Variants in TRARG1 observed in about 807,000 individuals in gnomAD.
The protein encoded by TRARG1 is trafficking regulator of GLUT4 1.
In TRARG1, 16 loss-of-function variants were observed where a neutral mutation model predicts 13.3. The observed-to-expected ratio is 1.20, with a 90% CI of 0.81 to 1.83. The LOEUF is 1.83. Among genes scored for constraint, TRARG1 ranks in the 40% most tolerant of loss-of-function variants. TRARG1 has a pLI of 0.00. For synonymous variants in TRARG1, 113 were observed against 106.2 expected (o/e 1.06, Z -0.39); for missense variants, 250 against 237.4 (o/e 1.05, Z -0.35).
At chr17:1,296,573 A>G (rs113848129) in intron 2 of TRARG1, among the ~76,000 whole-genome samples, 3 of 144,116 alleles carry the variant, frequency 2.1e-5, no homozygotes, top group Non-Finnish European at 3.0e-5. Flanking sequence ...CTGCAGTGGC[A>G]TGATCTCAGC....
chr17:1,282,182 G>A (rs36130772), intron 1 of TRARG1, among the ~76,000 whole-genome samples: 17,358 of 124,614 alleles, frequency 0.14, 2,071 homozygotes, highest in East Asian at 0.32. Context: ...ATACACGTGC[G>A]TATATGTACG....
At chr17:1,296,865 G>A (rs535889852) in intron 2 of TRARG1, among the ~76,000 whole-genome samples, 17 of 151,874 alleles carry the variant, frequency 1.1e-4, no homozygotes, top group Admixed American at 3.9e-4. Flanking sequence ...GGCTGGTCTC[G>A]AACTCCCGAC....
At chr17:1,297,851 C>T (rs879415753) in intron 2 of TRARG1, among the ~76,000 whole-genome samples, 1 of 152,078 alleles carries the variant, frequency 6.6e-6, no homozygotes, top group African/African-American at 2.4e-5. Flanking sequence ...GTGATCTGCC[C>T]GCCTCTGCCT....
chr17:1,282,850 T>C (rs9903565), intron 1 of TRARG1, among the ~76,000 whole-genome samples: 116,870 of 151,626 alleles, frequency 0.77, 45,527 homozygotes, highest in East Asian at 0.88. Flanking sequence ...CCACCATGCC[T>C]GGCTAATTTT....
chr17:1,282,602 C>T (rs1286560002), intron 1 of TRARG1, among the ~76,000 whole-genome samples: 2 of 151,934 alleles, frequency 1.3e-5, no homozygotes, highest in Non-Finnish European at 2.9e-5. Flanking sequence ...AACTCCCGAC[C>T]TCGTGATCCA....
At chr17:1,294,949 G>T (rs1249901946) in intron 1 of TRARG1, among the ~76,000 whole-genome samples, 1 of 152,194 alleles carries the variant, frequency 6.6e-6, no homozygotes, top group Non-Finnish European at 1.5e-5. Context: ...CTCTCCAAGT[G>T]CTGGGATTAC....
In TRARG1 at chr17:1,296,089, A is replaced by G. The variant is rs73285384; in HGVS notation, c.520+466A>G. 6.1e-3 allele frequency among the ~76,000 whole-genome samples: 929 copies of G among 152,378 alleles called. 12 individuals carry two copies. Among genetic ancestry groups the G allele is most frequent in the African/African-American group, 0.022 (897 of 41,596 alleles). ...AGTCAGCCGGGGAACCCCAGAAGCA[A>G]GCAGTGCATATGGTAGAATTCAAAA... On this transcript the variant is annotated intron_variant, in intron 2 of 2. Transcript: ENST00000333813.
In TRARG1 at chr17:1,300,387, C is replaced by T. The variant is rs4790289; in HGVS notation, c.*2123C>T. The stretch of plus-strand genomic sequence containing the variant: ...CACCCGAAGGGACTCTAGGTGCCCT[C>T]GGAGTGCCACACATGCCCAGACCTT... On this transcript the variant is annotated 3_prime_UTR_variant, in exon 3 of 3. Transcript: ENST00000333813. 0.26 allele frequency: 39,004 copies of T among 151,982 alleles called. 5,701 individuals carry two copies. The highest frequency in any genetic ancestry group is 0.44 in the South Asian group (2,116 of 4,798). 9.4% of individuals were successfully genotyped at this position (151,982 alleles called of 1,614,324 possible). A position where few individuals can be genotyped will look rare whatever the true frequency, so the allele number is the denominator to read the frequency against.
chr17:1,290,554 C>T (rs1405398149), intron 1 of TRARG1, among the ~76,000 whole-genome samples: 1 of 152,104 alleles, frequency 6.6e-6, no homozygotes, highest in Non-Finnish European at 1.5e-5. Flanking sequence ...CCTTGGCCTC[C>T]CAAAGTGCTG....
intron 1 of TRARG1, among the ~76,000 whole-genome samples, chr17:1,291,402 C>G (rs56254826): frequency 1.3e-5 from 2 of 152,326 alleles, no homozygotes; most frequent in Non-Finnish European, 2.9e-5. Flanking sequence ...TGAGCCACCG[C>G]GCCTACCAAT....
chr17:1,284,052 T>C (rs1309104510), intron 1 of TRARG1, among the ~76,000 whole-genome samples: 2 of 151,528 alleles, frequency 1.3e-5, no homozygotes, highest in Admixed American at 6.6e-5. Flanking sequence ...GAGGCGGAGC[T>C]TACAGTGAGC....
chr17:1,294,686 A>G (rs1228102008), intron 1 of TRARG1, among the ~76,000 whole-genome samples: 1 of 115,712 alleles, frequency 8.6e-6, no homozygotes, highest in Non-Finnish European at 1.7e-5. Flanking sequence ...AACTGGTCTC[A>G]AACTCTTTTT....
intron 1 of TRARG1, among the ~76,000 whole-genome samples, chr17:1,280,709 G>A (rs897733868): frequency 6.6e-6 from 1 of 152,200 alleles, no homozygotes; most frequent in Non-Finnish European, 1.5e-5. Flanking sequence ...CAGGCTGGGG[G>A]TCTTGCTGTT....
intron 2 of TRARG1, 70 bp downstream of exon 2, chr17:1,295,693 A>C: frequency 6.7e-7 from 1 of 1,498,124 alleles, no homozygotes; most frequent in Non-Finnish European, 8.9e-7. Flanking sequence ...GGGTGTACCC[A>C]GCCTCAGGGG....
chr17:1,295,464 C>G, intron 1 of TRARG1, 27 bp from the exon 2 acceptor site: 1 of 1,566,104 alleles, frequency 6.4e-7, no homozygotes, highest in Non-Finnish European at 8.7e-7. Context: ...TCCCGGTTCC[C>G]GGGGTCTCTC....
At chr17:1,295,925 A>G (rs1282390536) in intron 2 of TRARG1, among the ~76,000 whole-genome samples, 1 of 152,204 alleles carries the variant, frequency 6.6e-6, no homozygotes, top group Non-Finnish European at 1.5e-5. Context: ...TGGGCCTGGG[A>G]CCAGGGTCGG....
At chr17:1,289,583 C>G (rs1197170385) in intron 1 of TRARG1, among the ~76,000 whole-genome samples, 1 of 151,224 alleles carries the variant, frequency 6.6e-6, no homozygotes, top group East Asian at 2.0e-4. Flanking sequence ...TCTTTCCCAT[C>G]TTGTGCTTCC....
intron 1 of TRARG1, among the ~76,000 whole-genome samples, chr17:1,282,012 G>GTACATATACATATGTACATATA (rs2071977577): frequency 2.7e-5 from 4 of 147,846 alleles, no homozygotes; most frequent in African/African-American, 7.5e-5. Context: ...ATACACATAT[G>GTACATATACATATGTACATATA]TACATATACA....
chr17:1,280,389 G>GT lies in TRARG1; in HGVS notation c.387+2dup. 1 of 1,589,652 alleles carries GT rather than the reference G, an allele frequency of 6.3e-7. No individual in the cohort carries two copies. Among genetic ancestry groups the GT allele is most frequent in the Non-Finnish European group, 8.6e-7 (1 of 1,168,726 alleles). ...CATCCCCCTCATCATTTCCATCATG[G>GT]TAAGTGCTGGTCTTTGTTCCAGGGG... is the stretch of plus-strand genomic sequence containing the variant. On this transcript the variant is annotated splice_donor_variant, in intron 1 of 2. Coordinates refer to ENST00000333813, the MANE Select transcript of TRARG1 (RefSeq NM_172367.3). LOFTEE classifies it high-confidence loss of function.
Sources: allele counts gnomAD v4.1 joint callset (sites outside exome capture counted in the v4.1 genomes callset), GRCh38; gene constraint gnomAD v4.1.1; transcripts MANE v1.5; gene names NCBI Gene and HGNC (gene_info 2026-07-23, HGNC 2026-07-21).